The following BTAF1 variants were observed in gnomAD, a reference collection of about 807,000 sequenced individuals.
BTAF1 encodes B-TFIID TATA-box binding protein associated factor 1, also known as TATA-binding protein-associated factor 172.
Under a neutral mutation model 227.1 loss-of-function variants are expected in BTAF1, and 38 were observed. The observed-to-expected ratio is 0.17, with a 90% CI of 0.13 to 0.22. BTAF1 has a LOEUF of 0.22. Ranked by LOEUF, BTAF1 falls within the 10% of genes least tolerant of loss-of-function variation. The pLI, the probability that BTAF1 is intolerant of heterozygous loss-of-function variation, is 1.00. For missense variants in BTAF1, 1,598 were observed against 2,204.0 expected, an observed-to-expected ratio of 0.73 and a Z score of 5.51; for synonymous variants, 742 against 751.9, an observed-to-expected ratio of 0.99 and a Z score of 0.21.
intron 19 of BTAF1, among the ~76,000 whole-genome samples, chr10:91,987,059 AT>A (rs1227029047): frequency 4.8e-5 from 7 of 146,950 alleles, no homozygotes; most frequent in Admixed American, 4.8e-4. Flanking sequence ...TCTTTTAGGC[AT>A]TTTTACTTAA....
At chr10:91,991,727 C>G (rs1848765656) in intron 20 of BTAF1, among the ~76,000 whole-genome samples, 1 of 149,908 alleles carries the variant, frequency 6.7e-6, no homozygotes, top group East Asian at 2.0e-4. Flanking sequence ...TGCACTCCAG[C>G]CTGGGCAACA....
intron 15 of BTAF1, among the ~76,000 whole-genome samples, chr10:91,980,997 G>A (rs1001993474): frequency 2.0e-5 from 3 of 152,032 alleles, no homozygotes; most frequent in African/African-American, 4.8e-5. Context: ...AGGAGGAGCC[G>A]TTTGATATAT....
At chr10:92,027,965 G>GA (rs1851640077) in intron 37 of BTAF1, among the ~76,000 whole-genome samples, 1 of 152,264 alleles carries the variant, frequency 6.6e-6, no homozygotes, top group East Asian at 1.9e-4. Context: ...TCAAGTAAGA[G>GA]AAAATCGTTC....
Position 91,997,603 on chromosome 10 carries a change from G to A in BTAF1, c.3512G>A (p.Cys1171Tyr). ...AAAATTTCCTTAATCACTTACTCAG[G>A]TGTAATGGAACAACTAGATGTTGGT... ...KQEGAIEALA[C>Y]VMEQLDVGIV... Residue 1171 changes from cysteine to tyrosine, a missense_variant and splice_region_variant, in exon 25 of 38, where the codon TGT (cysteine) becomes TAT (tyrosine). Physicochemically the swap from Cys to Tyr is radical, Grantham distance 194. Coordinates refer to ENST00000265990, the MANE Select transcript of BTAF1 (RefSeq NM_003972.3). 1 of 1,613,002 alleles carries A rather than the reference G, an allele frequency of 6.2e-7. No homozygotes were observed. Among genetic ancestry groups the A allele is most frequent in the Non-Finnish European group, 8.5e-7 (1 of 1,179,356 alleles).
intron 4 of BTAF1, among the ~76,000 whole-genome samples, chr10:91,943,959 T>C (rs1018102356): frequency 2.0e-5 from 3 of 152,126 alleles, no homozygotes; most frequent in Non-Finnish European, 4.4e-5. Context: ...GAGACCAGCC[T>C]GGCCAACATG....
At chr10:91,947,089 G>A (rs1028887611) in intron 4 of BTAF1, among the ~76,000 whole-genome samples, 5 of 152,004 alleles carry the variant, frequency 3.3e-5, no homozygotes, top group African/African-American at 7.2e-5. Context: ...GTGAACCACC[G>A]GCCTTGGCTT....
chr10:91,938,892 A>C (rs775146013), intron 2 of BTAF1, among the ~76,000 whole-genome samples: 1 of 150,628 alleles, frequency 6.6e-6, no homozygotes, highest in African/African-American at 2.5e-5. Flanking sequence ...TGAGTCTACT[A>C]AATTTTTTTT....
chr10:92,004,904 C>T (rs550041226), intron 25 of BTAF1, among the ~76,000 whole-genome samples: 8 of 152,046 alleles, frequency 5.3e-5, no homozygotes, highest in Admixed American at 3.3e-4. Context: ...ATTTTTTGAT[C>T]GTGACCTGAG....
At chr10:91,981,021 TG>T (rs1212590026) in intron 15 of BTAF1, among the ~76,000 whole-genome samples, 4 of 152,112 alleles carry the variant, frequency 2.6e-5, no homozygotes, top group African/African-American at 9.7e-5. Flanking sequence ...ATAGCATTTA[TG>T]GGGGGAAATG....
At chr10:91,929,103 G>A in intron 1 of BTAF1, among the ~76,000 whole-genome samples, 1 of 152,190 alleles carries the variant, frequency 6.6e-6, no homozygotes, top group East Asian at 1.9e-4. Flanking sequence ...GTGAGCCACT[G>A]CGCCTGGTTT....
At chr10:91,924,995 A>G (rs945624242) in intron 1 of BTAF1, among the ~76,000 whole-genome samples, 1 of 152,192 alleles carries the variant, frequency 6.6e-6, no homozygotes. Flanking sequence ...GATGAAAACA[A>G]ATAGTTTTCA....
rs1848255296 is a variant in BTAF1 at position 91,984,343 on chromosome 10, A to C, written c.2366A>C (p.His789Pro). ...CTTATATCATCATTAGCTGATGTACATATTGAAGTTGGTAATCGAGTAAAC... is the reference window on the plus strand; with the variant it reads ...CTTATATCATCATTAGCTGATGTACCTATTGAAGTTGGTAATCGAGTAAAC... ...KQLISSLADVHIEVGNRVNNN... is the reference protein window; with the variant it reads ...KQLISSLADVPIEVGNRVNNN... Residue 789 changes from histidine (H) to proline (P), a missense_variant, in exon 19 of 38, where the codon CAT becomes CCT. Physicochemically the swap from His to Pro is moderately conservative, Grantham distance 77. Around this residue, in one of 10 missense-constraint regions of BTAF1, gnomAD observed 318 missense variants for 435.0 expected, o/e 0.73. Transcript: ENST00000265990. 6.2e-7 allele frequency: 1 copy of C among 1,613,416 alleles called. No homozygotes were observed. Among genetic ancestry groups the C allele is most frequent in the African/African-American group, 1.3e-5 (1 of 74,926 alleles).
chr10:92,017,145 T>G lies in BTAF1; in HGVS notation c.4710+680T>G, dbSNP rs533228897. Among the ~76,000 whole-genome samples the G allele has an allele frequency of 3.0e-3, 461 of 152,314 alleles. 9 individuals carry two copies. Among genetic ancestry groups the G allele is most frequent in the African/African-American group, 0.011 (451 of 41,578 alleles). ...GAAAAATACTTAGGTATATATTATG[T>G]GTAAGACAAAGCCAATAATGTGGTT... On this transcript the variant is annotated intron_variant, in intron 33 of 37. Coordinates refer to ENST00000265990, the MANE Select transcript of BTAF1 (RefSeq NM_003972.3).
intron 14 of BTAF1, among the ~76,000 whole-genome samples, chr10:91,971,530 C>CG (rs1187410819): frequency 1.4e-5 from 2 of 144,802 alleles, no homozygotes; most frequent in African/African-American, 5.1e-5. Flanking sequence ...TGGAGTGCAA[C>CG]GGCATGATCT....
intron 35 of BTAF1, among the ~76,000 whole-genome samples, chr10:92,025,983 T>C (rs578068309): frequency 6.6e-6 from 1 of 152,330 alleles, no homozygotes; most frequent in Admixed American, 6.5e-5. Flanking sequence ...TCAGTCTCTC[T>C]AAAATAGGGA....
Position 91,956,546 on chromosome 10 carries a change from G to A in BTAF1, c.720G>A (p.Gly240=), listed in dbSNP as rs767604032. 6.2e-7 allele frequency: 1 copy of A among 1,601,996 alleles called. No homozygotes were observed. Among genetic ancestry groups the A allele is most frequent in the Non-Finnish European group, 8.5e-7 (1 of 1,176,534 alleles). Residue 240 remains glycine (G), a synonymous_variant, in exon 7 of 38, where the codon GGG becomes GGA. Transcript: ENST00000265990. The part of the protein sequence containing the change: ...TNEKSNDSTD[G]EPEEKRRKIA... ...TTTTTAGCAATGATAGCACTGATGG[G>A]GAGCCAGAAGAAAAGAGACGGAAAA...
At chr10:91,953,593 C>T in intron 5 of BTAF1, 144 bp from the exon 6 acceptor site, 1 of 895,240 alleles carries the variant, frequency 1.1e-6, no homozygotes, top group Non-Finnish European at 1.7e-6. Flanking sequence ...AGTCATACAA[C>T]AAAAGAGTGT....
chr10:92,013,354 A>G (rs901604145), intron 30 of BTAF1, among the ~76,000 whole-genome samples: 1 of 152,186 alleles, frequency 6.6e-6, no homozygotes, highest in African/African-American at 2.4e-5. Flanking sequence ...GAGTGTCAAA[A>G]TAATCAGAAA....
Position 92,030,341 on chromosome 10 carries a change from G to GTTA in BTAF1, c.*1411_*1413dup, listed in dbSNP as rs1851817138. The stretch of plus-strand genomic sequence containing the variant: ...AACTGTAAAATATATGCAACTGTGT[G>GTTA]TTATTTGTAGGAAATGGTCACTAGA... On this transcript the variant is annotated 3_prime_UTR_variant, in exon 38 of 38. Coordinates refer to ENST00000265990, the MANE Select transcript of BTAF1 (RefSeq NM_003972.3). 6.6e-6 allele frequency: 1 copy of GTTA among 152,472 alleles called. No homozygotes were observed. Among genetic ancestry groups the GTTA allele is most frequent in the African/African-American group, 2.4e-5 (1 of 41,418 alleles). The allele number at this position is 152,472 out of a possible 1,614,324, so 9.4% of individuals were successfully genotyped here.
Sources: allele counts gnomAD v4.1 joint callset (sites outside exome capture counted in the v4.1 genomes callset), GRCh38; gene constraint gnomAD v4.1.1; regional missense constraint gnomAD v4.1.1; transcripts MANE v1.5; gene names NCBI Gene and HGNC (gene_info 2026-07-23, HGNC 2026-07-21).